The following PPP6R3 variants were observed in gnomAD, a reference collection of about 807,000 sequenced individuals.
PPP6R3 encodes protein phosphatase 6 regulatory subunit 3, also known as serine/threonine-protein phosphatase 6 regulatory subunit 3.
A neutral mutation model predicts 110.7 loss-of-function variants in PPP6R3; 38 were observed. The observed-to-expected ratio is 0.34, with a 90% CI of 0.26 to 0.45. The LOEUF (loss-of-function observed/expected upper bound fraction) is 0.45, where lower values mean the gene tolerates loss of function less well. Among genes scored for constraint, PPP6R3 ranks in the 20% least tolerant of loss-of-function variants. The pLI is 1.00. For synonymous variants in PPP6R3, 369 were observed against 373.5 expected (o/e 0.99, Z 0.14); for missense variants, 870 against 1,062.4 (o/e 0.82, Z 2.52).
chr11:68,582,990 A>C, intron 14 of PPP6R3, 53 bp from the exon 15 acceptor site: 5 of 1,221,524 alleles, frequency 4.1e-6, no homozygotes, highest in Non-Finnish European at 5.7e-6. Flanking sequence ...TGCTGATACA[A>C]ATGTCCAAAA....
intron 1 of PPP6R3, among the ~76,000 whole-genome samples, chr11:68,476,772 C>T (rs1009339017): frequency 1.4e-4 from 22 of 151,986 alleles, no homozygotes; most frequent in African/African-American, 5.3e-4. Flanking sequence ...CCTGTATTCC[C>T]AGCACTTTGG....
In PPP6R3 at chr11:68,564,373, C is replaced by T; in HGVS notation, c.916C>T (p.Leu306=). The change falls in exon 9 of 24, where the codon CTA becomes TTA. Residue 306 remains leucine, a synonymous_variant. Coordinates refer to ENST00000393800, the MANE Select transcript of PPP6R3 (RefSeq NM_001164161.2). ...HSACSVNKSV[L]EAIRGRLGSF... Reference sequence around the variant, plus strand: ...AGCTTGTTCAGTAAACAAGAGTGTTCTAGAAGCCATCAGAGGAAGACTTGG... The same window carrying T: ...AGCTTGTTCAGTAAACAAGAGTGTTTTAGAAGCCATCAGAGGAAGACTTGG... 8 of 1,613,540 alleles carry T rather than the reference C, an allele frequency of 5.0e-6. No homozygotes were observed. The highest frequency in any genetic ancestry group is 6.8e-6 in the Non-Finnish European group (8 of 1,179,426).
chr11:68,471,476 G>A (rs546609289), intron 1 of PPP6R3, among the ~76,000 whole-genome samples: 2 of 152,114 alleles, frequency 1.3e-5, no homozygotes, highest in South Asian at 2.1e-4. Context: ...TGCTGCTGCC[G>A]TGAGGTCACC....
At chr11:68,552,249 T>A (rs539803487) in intron 6 of PPP6R3, among the ~76,000 whole-genome samples, 28 of 152,276 alleles carry the variant, frequency 1.8e-4, no homozygotes, top group African/African-American at 6.3e-4. Flanking sequence ...GCTGGGAGAA[T>A]CTCCTTGTGT....
intron 21 of PPP6R3, 151 bp from the exon 22 acceptor site, chr11:68,603,191 T>C (rs905675834): frequency 1.0e-6 from 1 of 973,430 alleles, no homozygotes. Context: ...CCATCAAGAA[T>C]GTGGCCCAGA....
chr11:68,590,277 T>C (rs989828339), intron 16 of PPP6R3, among the ~76,000 whole-genome samples: 36 of 152,230 alleles, frequency 2.4e-4, no homozygotes, highest in Admixed American at 4.6e-4. Flanking sequence ...TGGAGAAAAC[T>C]CAAGTGTCTG....
At chr11:68,593,104 C>A (rs529820181) in intron 18 of PPP6R3, among the ~76,000 whole-genome samples, 1 of 152,246 alleles carries the variant, frequency 6.6e-6, no homozygotes, top group East Asian at 1.9e-4. Context: ...TATATACATC[C>A]GTGAAACCAT....
intron 12 of PPP6R3, 153 bp downstream of exon 12, chr11:68,571,257 A>C (rs1489711523): frequency 8.8e-7 from 1 of 1,130,180 alleles, no homozygotes; most frequent in Non-Finnish European, 1.2e-6. Context: ...TCATTGTAAC[A>C]GTTGTTTTTA....
intron 5 of PPP6R3, 70 bp downstream of exon 5, chr11:68,548,274 G>C: frequency 3.2e-6 from 5 of 1,573,298 alleles, no homozygotes; most frequent in Non-Finnish European, 4.3e-6. Flanking sequence ...AGGCTGCTGT[G>C]TGCTGGGAAG....
chr11:68,549,695 T>C (rs900524286), intron 5 of PPP6R3, among the ~76,000 whole-genome samples: 3 of 152,190 alleles, frequency 2.0e-5, no homozygotes, highest in Non-Finnish European at 4.4e-5. Context: ...TTCAGGATGG[T>C]TTACTGGAAC....
intron 13 of PPP6R3, among the ~76,000 whole-genome samples, 153 bp from the exon 14 acceptor site, chr11:68,575,805 G>A (rs1448677887): frequency 6.6e-6 from 1 of 152,160 alleles, no homozygotes; most frequent in East Asian, 1.9e-4. Context: ...TAAGAGCACT[G>A]GGCTGGCTGT....
chr11:68,537,282 A>G (rs1403416790), intron 2 of PPP6R3, among the ~76,000 whole-genome samples: 1 of 152,190 alleles, frequency 6.6e-6, no homozygotes, highest in Non-Finnish European at 1.5e-5. Context: ...CTAGATATTT[A>G]GGCCTCACTG....
intron 1 of PPP6R3, among the ~76,000 whole-genome samples, chr11:68,504,006 T>C (rs1592161527): frequency 6.6e-6 from 1 of 152,182 alleles, no homozygotes; most frequent in South Asian, 2.1e-4. Flanking sequence ...CACTTGGCCA[T>C]GTACCTCATT....
chr11:68,568,744 T>A (rs1270476935), intron 10 of PPP6R3, among the ~76,000 whole-genome samples: 1 of 152,156 alleles, frequency 6.6e-6, no homozygotes, highest in East Asian at 1.9e-4. Flanking sequence ...TCAGTAAATA[T>A]TTGTTGCATC....
chr11:68,482,992 C>A (rs1225223629), intron 1 of PPP6R3, among the ~76,000 whole-genome samples: 1 of 152,088 alleles, frequency 6.6e-6, no homozygotes, highest in Non-Finnish European at 1.5e-5. Flanking sequence ...TTTCCCATAT[C>A]AAGGGTCTTT....
chr11:68,521,013 C>A (rs2099161766), intron 2 of PPP6R3, among the ~76,000 whole-genome samples: 1 of 152,156 alleles, frequency 6.6e-6, no homozygotes, highest in Admixed American at 6.5e-5. Flanking sequence ...CTCAAGTGAT[C>A]CACCTGCCTA....
At chr11:68,548,341 T>C in intron 5 of PPP6R3, 137 bp downstream of exon 5, 1 of 1,162,182 alleles carries the variant, frequency 8.6e-7, no homozygotes, top group South Asian at 1.7e-5. Flanking sequence ...GGTAACAGGG[T>C]GGGGAAGAAA....
At chr11:68,547,407 G>A (rs2099353600) in intron 4 of PPP6R3, among the ~76,000 whole-genome samples, 1 of 152,224 alleles carries the variant, frequency 6.6e-6, no homozygotes, top group African/African-American at 2.4e-5. Flanking sequence ...AGGGATGCAT[G>A]GGACAGAGTC....
intron 7 of PPP6R3, among the ~76,000 whole-genome samples, chr11:68,555,390 T>C (rs2099395347): frequency 6.6e-6 from 1 of 152,234 alleles, no homozygotes; most frequent in Non-Finnish European, 1.5e-5. Context: ...TGCTGCCCAG[T>C]GGAAATAGAA....
Sources: allele counts gnomAD v4.1 joint callset (sites outside exome capture counted in the v4.1 genomes callset), GRCh38; gene constraint gnomAD v4.1.1; transcripts MANE v1.5; gene names NCBI Gene and HGNC (gene_info 2026-07-23, HGNC 2026-07-21).